CACNA1F: variants seen among roughly 807,000 people sequenced by gnomAD.
CACNA1F encodes voltage-dependent L-type calcium channel subunit alpha-1F.
A neutral mutation model predicts 143.8 loss-of-function variants in CACNA1F; 59 were observed. The ratio of observed to expected loss-of-function variants is 0.41; its 90% CI spans 0.33 to 0.51. The LOEUF (loss-of-function observed/expected upper bound fraction) is 0.51, where lower values mean the gene tolerates loss of function less well. CACNA1F is among the 20% of genes least tolerant of loss of function. The pLI is 0.22. For synonymous variants in CACNA1F, 643 were observed against 649.1 expected (o/e 0.99, Z 0.14); for missense variants, 1,411 against 1,647.5 (o/e 0.86, Z 2.48).
intron 22 of CACNA1F, 48 bp downstream of exon 22, chrX:49,218,834 G>A (rs782665199): frequency 1.8e-6 from 2 of 1,121,928 alleles, no homozygotes; most frequent in East Asian, 3.0e-5. Flanking sequence ...GAACCGGTGG[G>A]GAGAGTGCCA....
intron 6 of CACNA1F, among the ~76,000 whole-genome samples, 183 bp downstream of exon 6, chrX:49,230,037 T>A: frequency 9.0e-6 from 1 of 110,903 alleles, no homozygotes; most frequent in Non-Finnish European, 1.9e-5. Context: ...ATTAGCGAGG[T>A]GGGGTTGTAG....
rs2065700993 is a variant in CACNA1F at position 49,215,330 on chromosome X, G to A, written c.3438+12C>T. The A allele has an allele frequency of 3.3e-6, 4 of 1,208,299 alleles. No individual in the cohort carries two copies. Among genetic ancestry groups the A allele is most frequent in the Non-Finnish European group, 4.5e-6 (4 of 892,967 alleles). On this transcript the variant is annotated intron_variant, in intron 28 of 47. Coordinates refer to ENST00000323022, the MANE Select transcript of CACNA1F (RefSeq NM_001256789.3). ...GGTGACCATCCATAGGGGGTCAGGG[G>A]TCAGAGGTCACCTGGTTCTTGTCCA...
At position 49,231,812 on chromosome X, in the gene CACNA1F, G is replaced by T. The variant is rs146718502; in HGVS notation, c.141C>A (p.Thr47=). Residue 47 remains threonine, a synonymous_variant, in exon 2 of 48, where the codon ACC becomes ACA. Transcript: ENST00000323022. ...GESSGASGLG[T]PKRRNQHSKH... ...TGCTGTGCTGGTTTCTTCGCTTAGGGGTCCCTAGGCCTGATGCCCCACTGC... is the reference window on the plus strand; with the variant it reads ...TGCTGTGCTGGTTTCTTCGCTTAGGTGTCCCTAGGCCTGATGCCCCACTGC... The T allele has an allele frequency of 3.3e-4, 400 of 1,205,926 alleles. No individual in the cohort carries two copies. The highest frequency in any genetic ancestry group is 4.2e-4 in the Non-Finnish European group (376 of 892,879).
In CACNA1F at chrX:49,225,992, G is replaced by A. The variant is rs781895360; in HGVS notation, c.1568C>T (p.Ala523Val). The A allele has an allele frequency of 1.6e-5, 19 of 1,178,092 alleles. No homozygotes were observed. The East Asian group carries it at 3.8e-4, about 23-fold the overall frequency. The change falls in exon 13 of 48, where the codon GCT becomes GTT. Residue 523 changes from alanine to valine, a missense_variant. Ala to Val is a moderately conservative substitution (Grantham distance 64, BLOSUM62 0). Transcript: ENST00000323022. ...GTTGAGGAAGACGAGCAACAGCACA[G>A]CCCAGTAGCAGGCATTGGACTTCAC... ...RAVKSNACYW[A>V]VLLLVFLNTL...
At chrX:49,208,403 G>C in intron 43 of CACNA1F, 112 bp downstream of exon 43, 1 of 594,020 alleles carries the variant, frequency 1.7e-6, no homozygotes, top group South Asian at 2.6e-5. Context: ...CTGCTTGAAG[G>C]CCTCTAGGCC....
rs1602627451 is a variant in CACNA1F, at chrX:49,210,534, C to T, written c.4485+56G>A. Reference sequence around the variant, plus strand: ...CACCCAAGGCAGATCCCTTCCCACCCTTGCCATGTGATAGACAGTTCTCTC... The same window carrying T: ...CACCCAAGGCAGATCCCTTCCCACCTTTGCCATGTGATAGACAGTTCTCTC... On this transcript the variant is annotated intron_variant, in intron 38 of 47. Transcript: ENST00000323022. 9.9e-6 allele frequency: 11 copies of T among 1,107,352 alleles called. No individual in the cohort carries two copies. The East Asian group carries it at 3.3e-4, about 33-fold the overall frequency. The allele number at this position is 1,107,352 out of a possible 1,213,427, so 91.3% of individuals were successfully genotyped here. A position where few individuals can be genotyped will look rare whatever the true frequency, so the allele number is the denominator to read the frequency against.
chrX:49,209,855 C>T (rs1159629851), intron 40 of CACNA1F, 86 bp downstream of exon 40: 1 of 1,152,304 alleles, frequency 8.7e-7, no homozygotes, highest in Admixed American at 2.2e-5. Flanking sequence ...TTCCCCTCGC[C>T]CTCTGCCCAG....
At chrX:49,224,271 G>T (rs1177784402) in intron 14 of CACNA1F, among the ~76,000 whole-genome samples, 1 of 110,581 alleles carries the variant, frequency 9.0e-6, no homozygotes, top group East Asian at 2.8e-4. Context: ...GTTCTCTTTG[G>T]GGATTGAGGA....
chrX:49,228,468 G>A, intron 6 of CACNA1F, 21 bp from the exon 7 acceptor site: 2 of 1,169,867 alleles, frequency 1.7e-6, no homozygotes, highest in East Asian at 3.1e-5. Context: ...ACTGGAGCTT[G>A]GGGCTTCGAA....
chrX:49,214,035 C>A, intron 30 of CACNA1F, 124 bp downstream of exon 30: 1 of 628,826 alleles, frequency 1.6e-6, no homozygotes, highest in African/African-American at 2.2e-5. Flanking sequence ...CACCTGAGTC[C>A]CTCTCACTCC....
intron 8 of CACNA1F, among the ~76,000 whole-genome samples, chrX:49,227,333 CT>C (rs1690414843): frequency 9.1e-6 from 1 of 110,098 alleles, no homozygotes. Context: ...CTTTTTTTTT[CT>C]TTTCCCCAGA....
intron 47 of CACNA1F, 52 bp from the exon 48 acceptor site, chrX:49,205,419 G>A (rs377172821): frequency 1.4e-5 from 13 of 948,356 alleles, no homozygotes; most frequent in Non-Finnish European, 1.9e-5. Flanking sequence ...GTGCACAGAA[G>A]GTTCAGTGTG....
At position 49,206,736 on chromosome X, in the gene CACNA1F, G is replaced by A; in HGVS notation, c.5351C>T (p.Thr1784Ile). Residue 1784 changes from threonine to isoleucine, a missense_variant, in exon 45 of 48, where the codon ACA (threonine) becomes ATA (isoleucine). Physicochemically the swap from Thr to Ile is moderately conservative, Grantham distance 89. This residue lies in a region of CACNA1F where 349 missense variants were observed against 350.2 expected (regional missense o/e 1.00). Coordinates refer to ENST00000323022, the MANE Select transcript of CACNA1F (RefSeq NM_001256789.3). Reference protein sequence around the residue: ...LVPRRRLLPPTPAGRKPSFTI... With the variant: ...LVPRRRLLPPIPAGRKPSFTI... Reference sequence around the variant, plus strand: ...TCCATCCCTGCTCTCACCTGCAGGTGTGGGGGGCAGCAGACGGCGGCGTGG... The same window carrying A: ...TCCATCCCTGCTCTCACCTGCAGGTATGGGGGGCAGCAGACGGCGGCGTGG... 3 of 1,205,813 alleles carry A rather than the reference G, an allele frequency of 2.5e-6. No individual in the cohort carries two copies. Among genetic ancestry groups the A allele is most frequent in the Non-Finnish European group, 3.4e-6 (3 of 891,985 alleles).
rs2065664895 is a variant in CACNA1F at position 49,212,318 on chromosome X, TGGGGGA to T, written c.3943-16_3943-11del. ...CCACATAGGGCAAGGCCTATAGGGA[TGGGGGA>T]GGGGGGCAGAGAATAGATGCACAGG... On this transcript the variant is annotated splice_polypyrimidine_tract_variant and intron_variant, in intron 33 of 47. Coordinates refer to ENST00000323022, the MANE Select transcript of CACNA1F (RefSeq NM_001256789.3). 1 of 1,171,939 alleles carries T rather than the reference TGGGGGA, an allele frequency of 8.5e-7. No homozygotes were observed. Among genetic ancestry groups the T allele is most frequent in the South Asian group, 1.8e-5 (1 of 55,715 alleles).
In CACNA1F at chrX:49,231,666, C is replaced by A. The variant is rs782766364; in HGVS notation, c.275+12G>T. 8.3e-7 allele frequency: 1 copy of A among 1,211,837 alleles called. No homozygotes were observed. Among genetic ancestry groups the A allele is most frequent in the Non-Finnish European group, 1.1e-6 (1 of 895,471 alleles). On this transcript the variant is annotated intron_variant, in intron 2 of 47. Transcript: ENST00000323022. ...CCTTACCCCTGGGCCCTGCCCCTGC[C>A]TTCCAGGATGCTTCCACTCCACGAT...
intron 1 of CACNA1F, 112 bp from the exon 2 acceptor site, chrX:49,232,039 AG>A (rs2065884303): frequency 1.3e-6 from 1 of 798,967 alleles, no homozygotes; most frequent in Admixed American, 3.5e-5. Flanking sequence ...ATGGAAAATT[AG>A]GGAGAACTGG....
In CACNA1F at chrX:49,205,294, G is replaced by C; in HGVS notation, c.5744C>G (p.Ala1915Gly). ...ATCCAGCGTCAGGCGACACGCATCT[G>C]CAATCTCCTGCTTGGCCAGGGCCAC... The part of the protein sequence containing the change: ...RFVALAKQEI[A>G]DACRLTLDEM... The change falls in exon 48 of 48, where the codon GCA (alanine) becomes GGA (glycine). Residue 1915 changes from alanine to glycine, a missense_variant. Ala to Gly is a moderately conservative substitution (Grantham distance 60). Coordinates refer to ENST00000323022, the MANE Select transcript of CACNA1F (RefSeq NM_001256789.3). The C allele has an allele frequency of 8.3e-7, 1 of 1,209,768 alleles. No homozygotes were observed. The highest frequency in any genetic ancestry group is 1.1e-6 in the Non-Finnish European group (1 of 894,495).
At chrX:49,208,771 A>C in intron 42 of CACNA1F, 87 bp from the exon 43 acceptor site, 1 of 780,453 alleles carries the variant, frequency 1.3e-6, no homozygotes, top group African/African-American at 2.0e-5. Flanking sequence ...CAGGTCCATG[A>C]ATGTGGGCCT....
intron 46 of CACNA1F, 21 bp from the exon 47 acceptor site, chrX:49,205,834 G>A (rs782072375): frequency 6.0e-6 from 7 of 1,170,108 alleles, no homozygotes; most frequent in Non-Finnish European, 5.8e-6. Context: ...ATAAACATCA[G>A]AGGGGCAGGG....
Sources: gnomAD v4.1 joint callset for allele counts (sites outside exome capture counted in the v4.1 genomes callset) on GRCh38, gnomAD v4.1.1 for gene constraint, gnomAD v4.1.1 regional missense constraint, MANE v1.5 for transcripts, NCBI Gene and HGNC (gene_info 2026-07-23, HGNC 2026-07-21) for gene names.